The following PDZD2 variants were observed in gnomAD, a reference collection of about 807,000 sequenced individuals.
PDZD2 encodes PDZ domain containing 2.
A neutral mutation model predicts 220.7 loss-of-function variants in PDZD2; 90 were observed. The ratio of observed to expected loss-of-function variants is 0.41; its 90% confidence interval spans 0.34 to 0.49. PDZD2 has a LOEUF of 0.49. Ranked by LOEUF, PDZD2 falls within the 20% of genes least tolerant of loss-of-function variation. The pLI is 0.28. For synonymous variants in PDZD2, 1,375 were observed against 1,450.5 expected (o/e 0.95, Z 1.18); for missense variants, 3,174 against 3,608.5 (o/e 0.88, Z 3.08).
At chr5:32,051,905 G>A in intron 8 of PDZD2, among the ~76,000 whole-genome samples, 1 of 152,174 alleles carries the variant, frequency 6.6e-6, no homozygotes, top group East Asian at 1.9e-4. Context: ...AAAATGGCAA[G>A]ATACTTTCTA....
chr5:31,898,177 C>G, intron 2 of PDZD2, among the ~76,000 whole-genome samples: 1 of 152,194 alleles, frequency 6.6e-6, no homozygotes, highest in East Asian at 1.9e-4. Flanking sequence ...AGAGTATGGT[C>G]GGATCCAGAG....
At chr5:31,718,691 C>G (rs1748598964) in intron 1 of PDZD2, among the ~76,000 whole-genome samples, 1 of 146,954 alleles carries the variant, frequency 6.8e-6, no homozygotes, top group Admixed American at 7.1e-5. Context: ...CTGTAACAGC[C>G]TCATTTTTTT....
At chr5:32,048,175 T>A (rs186872900) in intron 7 of PDZD2, among the ~76,000 whole-genome samples, 27 of 152,338 alleles carry the variant, frequency 1.8e-4, no homozygotes, top group Admixed American at 1.5e-3. Context: ...ACAATGAAAC[T>A]ATACCAATCA....
At position 31,979,923 on chromosome 5, in the gene PDZD2, A is replaced by C. The variant is rs1581205119; in HGVS notation, c.477-3232A>C. Among the ~76,000 whole-genome samples, 3 of 152,308 alleles carry C rather than the reference A, an allele frequency of 2.0e-5. No individual in the cohort carries two copies. In the East Asian group the frequency reaches 5.8e-4, roughly 29 times the overall value. On this transcript the variant is annotated intron_variant, in intron 2 of 24. Coordinates refer to ENST00000438447, the MANE Select transcript of PDZD2 (RefSeq NM_178140.4). ...AGCTGCAGTTTCATCTTCTGTTAAG[A>C]CCGTTCTTAGGTAAATAGTGTCTAT...
intron 1 of PDZD2, among the ~76,000 whole-genome samples, chr5:31,792,049 T>C (rs1181546240): frequency 5.3e-5 from 8 of 152,234 alleles, no homozygotes; most frequent in African/African-American, 1.9e-4. Context: ...TGGCCAGAAC[T>C]ATGTTGTATA....
chr5:31,926,192 C>T (rs1164023494), intron 2 of PDZD2, among the ~76,000 whole-genome samples: 1 of 150,654 alleles, frequency 6.6e-6, no homozygotes, highest in Non-Finnish European at 1.5e-5. Context: ...TGTGCCCCAG[C>T]CTGGGCAACG....
chr5:31,741,261 T>C (rs1226814491), intron 1 of PDZD2, among the ~76,000 whole-genome samples: 1 of 152,092 alleles, frequency 6.6e-6, no homozygotes, highest in Non-Finnish European at 1.5e-5. Flanking sequence ...ATTGTGGTGG[T>C]TTCTGGTTGG....
chr5:31,820,685 C>T (rs890875467), intron 2 of PDZD2: 1 of 150,704 alleles, frequency 6.6e-6, no homozygotes, highest in Non-Finnish European at 1.5e-5. Context: ...CCTTTTAGGA[C>T]AAATTTCATG....
At position 32,110,402 on chromosome 5, in the gene PDZD2, A is replaced by G. The variant is rs568028244; in HGVS notation, c.*2267A>G. On this transcript the variant is annotated 3_prime_UTR_variant, in exon 25 of 25. Transcript: ENST00000438447. Reference sequence around the variant, plus strand: ...CAACAAACAGTTGAAATTTAAGGGAAGAAGCAAAAGCTAAACTGTCTTTGA... The same window carrying G: ...CAACAAACAGTTGAAATTTAAGGGAGGAAGCAAAAGCTAAACTGTCTTTGA... The G allele has an allele frequency of 7.9e-5, 12 of 152,664 alleles. No homozygotes were observed. The highest frequency in any genetic ancestry group is 2.7e-4 in the African/African-American group (11 of 41,464). 9.5% of individuals were successfully genotyped at this position (152,664 alleles called of 1,614,324 possible). A position where few individuals can be genotyped will look rare whatever the true frequency, so the allele number is the denominator to read the frequency against.
chr5:31,896,495 C>T (rs897083625), intron 2 of PDZD2, among the ~76,000 whole-genome samples: 7 of 152,164 alleles, frequency 4.6e-5, no homozygotes, highest in Non-Finnish European at 7.4e-5. Context: ...AGAATTCATC[C>T]GCTCAGAAAA....
chr5:31,824,838 C>T (rs770440937), intron 2 of PDZD2, among the ~76,000 whole-genome samples: 1 of 152,128 alleles, frequency 6.6e-6, no homozygotes, highest in Non-Finnish European at 1.5e-5. Flanking sequence ...TCAGAGGGAA[C>T]GATTGCAGGA....
intron 1 of PDZD2, among the ~76,000 whole-genome samples, chr5:31,736,309 G>A (rs757997861): frequency 2.6e-5 from 4 of 152,152 alleles, no homozygotes; most frequent in African/African-American, 7.2e-5. Flanking sequence ...GGGTGCTACG[G>A]CAGTGTATGA....
chr5:31,645,622 G>T (rs1012822096), intron 1 of PDZD2, among the ~76,000 whole-genome samples: 2 of 152,086 alleles, frequency 1.3e-5, no homozygotes, highest in African/African-American at 4.8e-5. Context: ...GGCGTGAGCC[G>T]CTGTGCCCGG....
In PDZD2 at chr5:32,057,993, C is replaced by T; in HGVS notation, c.2090C>T (p.Thr697Ile). ...AGATCCGCCTCCCCGAACTTCAATA[C>T]CAGTGGGGGAGCCTCAGCGGGAGGT... is the stretch of plus-strand genomic sequence containing the variant. ...MSRSASPNFN[T>I]SGGASAGGSD... The change falls in exon 12 of 25, where the codon ACC becomes ATC. Residue 697 changes from threonine (T) to isoleucine (I), a missense_variant. Physicochemically the swap from Thr to Ile is moderately conservative, Grantham distance 89. Around this residue, in one of 4 missense-constraint regions of PDZD2, gnomAD observed 1,861 missense variants for 2,001.0 expected, o/e 0.93. Coordinates refer to ENST00000438447, the MANE Select transcript of PDZD2 (RefSeq NM_178140.4). The T allele has an allele frequency of 6.2e-7, 1 of 1,612,802 alleles. No individual in the cohort carries two copies. The highest frequency in any genetic ancestry group is 8.5e-7 in the Non-Finnish European group (1 of 1,178,904).
chr5:32,024,598 G>T (rs1030360400), intron 6 of PDZD2, among the ~76,000 whole-genome samples: 1 of 151,642 alleles, frequency 6.6e-6, no homozygotes, highest in African/African-American at 2.4e-5. Context: ...CAGGAGAATC[G>T]CATGAATCCG....
At chr5:31,948,876 A>G (rs764396380) in intron 2 of PDZD2, among the ~76,000 whole-genome samples, 1 of 151,996 alleles carries the variant, frequency 6.6e-6, no homozygotes, top group Non-Finnish European at 1.5e-5. Flanking sequence ...AGGAGGGTGG[A>G]TCGCCTGAGG....
At chr5:31,749,841 C>T (rs1478046249) in intron 1 of PDZD2, among the ~76,000 whole-genome samples, 5 of 152,154 alleles carry the variant, frequency 3.3e-5, no homozygotes, top group African/African-American at 1.2e-4. Flanking sequence ...CCACTCCTTC[C>T]CCCAGGTGAG....
chr5:31,752,073 G>GTTTTTTTTT (rs3032803), intron 1 of PDZD2, among the ~76,000 whole-genome samples: 7 of 95,068 alleles, frequency 7.4e-5, no homozygotes, highest in East Asian at 6.3e-4. Flanking sequence ...TTTTGGGTTT[G>GTTTTTTTTT]TTTTTTTTTT....
chr5:31,818,712 G>A lies in PDZD2; in HGVS notation c.476+18988G>A, dbSNP rs183004962. On this transcript the variant is annotated intron_variant, in intron 2 of 24. Coordinates refer to ENST00000438447, the MANE Select transcript of PDZD2 (RefSeq NM_178140.4). ...TATCACTTAATTCCTCAGATACCCC[G>A]TCTCTCCTCCCACACTAATTTTTAT... Among the ~76,000 whole-genome samples the A allele has an allele frequency of 2.8e-3, 427 of 152,104 alleles. 1 individual carries two copies. The highest frequency in any genetic ancestry group is 9.7e-3 in the African/African-American group (403 of 41,486).
Sources: gnomAD v4.1 joint callset for allele counts (sites outside exome capture counted in the v4.1 genomes callset) on GRCh38, gnomAD v4.1.1 for gene constraint, gnomAD v4.1.1 regional missense constraint, MANE v1.5 for transcripts, NCBI Gene and HGNC (gene_info 2026-07-23, HGNC 2026-07-21) for gene names.